TSNARE1: variants seen among roughly 807,000 people sequenced by gnomAD.
TSNARE1 encodes t-SNARE domain-containing protein 1.
TSNARE1 carries 49 observed loss-of-function variants against 62.0 expected under a neutral mutation model. That is an observed-to-expected ratio of 0.79 (90% CI 0.63 to 1.00). TSNARE1 has a LOEUF of 1.00. Among genes scored for constraint, TSNARE1 ranks in the 50% least tolerant of loss-of-function variants. The pLI is 0.00. For synonymous variants in TSNARE1, 328 were observed against 294.4 expected, an observed-to-expected ratio of 1.11 and a Z score of -1.17; for missense variants, 755 against 700.1, an observed-to-expected ratio of 1.08 and a Z score of -0.88.
At chr8:142,304,247 C>T (rs938128167) in intron 9 of TSNARE1, among the ~76,000 whole-genome samples, 2 of 152,200 alleles carry the variant, frequency 1.3e-5, no homozygotes, top group East Asian at 1.9e-4. Flanking sequence ...CCCAGGGAGG[C>T]GCTGGCCTCG....
At position 142,344,117 on chromosome 8, in the gene TSNARE1, C is replaced by T; in HGVS notation, c.594G>A (p.Lys198=). ...WRDLRAVVRR[K]LGDLRKAAHG... is the part of the protein sequence containing the mutation. The stretch of plus-strand genomic sequence containing the variant: ...GGGCCGCCTTCCGGAGGTCGCCCAG[C>T]TTGCGCCGCACGACGGCTCGTAGGT... The change falls in exon 4 of 14, where the codon AAG becomes AAA. Residue 198 remains lysine, a synonymous_variant. Coordinates refer to ENST00000524325, the MANE Select transcript of TSNARE1 (RefSeq NM_145003.5). 6.2e-7 allele frequency: 1 copy of T among 1,611,996 alleles called. No individual in the cohort carries two copies. The highest frequency in any genetic ancestry group is 8.5e-7 in the Non-Finnish European group (1 of 1,179,234).
At chr8:142,251,507 T>G (rs1227548112) in intron 12 of TSNARE1, among the ~76,000 whole-genome samples, 1 of 152,138 alleles carries the variant, frequency 6.6e-6, no homozygotes, top group Non-Finnish European at 1.5e-5. Context: ...GTCCTCCCAG[T>G]TAGGGTGCGG....
intron 1 of TSNARE1, among the ~76,000 whole-genome samples, chr8:142,364,173 C>G (rs564471919): frequency 6.6e-6 from 1 of 152,332 alleles, no homozygotes; most frequent in East Asian, 1.9e-4. Flanking sequence ...CGGCGCTCTC[C>G]CTGCACTGGC....
intron 13 of TSNARE1, among the ~76,000 whole-genome samples, chr8:142,220,903 G>A (rs1023959034): frequency 1.3e-5 from 2 of 152,230 alleles, no homozygotes; most frequent in Non-Finnish European, 2.9e-5. Flanking sequence ...TCTGTGAAAT[G>A]AAGGACTGAG....
chr8:142,393,490 G>A (rs928661440), intron 1 of TSNARE1, among the ~76,000 whole-genome samples: 5 of 152,216 alleles, frequency 3.3e-5, no homozygotes, highest in Non-Finnish European at 7.3e-5. Context: ...GGGAAAACTG[G>A]GTGAAGAGTG....
chr8:142,318,746 GAC>G, intron 6 of TSNARE1, 112 bp from the exon 7 acceptor site: 1 of 923,908 alleles, frequency 1.1e-6, no homozygotes, highest in African/African-American at 1.6e-5. Context: ...GGGAGACAGA[GAC>G]AGATGGATGG....
At chr8:142,385,348 G>GA (rs1028686753) in intron 1 of TSNARE1, among the ~76,000 whole-genome samples, 2 of 152,062 alleles carry the variant, frequency 1.3e-5, no homozygotes, top group African/African-American at 2.4e-5. Flanking sequence ...CCACCATTCT[G>GA]AAAAAAACAC....
chr8:142,333,500 G>A (rs1230536732), intron 4 of TSNARE1, among the ~76,000 whole-genome samples: 1 of 152,210 alleles, frequency 6.6e-6, no homozygotes, highest in Non-Finnish European at 1.5e-5. Context: ...GGGTGCCGAG[G>A]GGACCCTCCC....
intron 12 of TSNARE1, among the ~76,000 whole-genome samples, chr8:142,271,911 G>A (rs1044811714): frequency 6.6e-6 from 1 of 151,972 alleles, no homozygotes; most frequent in Non-Finnish European, 1.5e-5. Flanking sequence ...TGGGACTGAA[G>A]CCACAGCCTG....
intron 12 of TSNARE1, among the ~76,000 whole-genome samples, chr8:142,258,510 C>A (rs1395712618): frequency 7.4e-6 from 1 of 134,576 alleles, no homozygotes; most frequent in Non-Finnish European, 1.5e-5. Context: ...GAGACAGTGT[C>A]TCACTCTGTT....
rs1217197158 is a variant in TSNARE1, at chr8:142,373,421, TG to T, written c.-39-18659del. Among the ~76,000 whole-genome samples, 5 of 152,178 alleles carry T rather than the reference TG, an allele frequency of 3.3e-5. No individual in the cohort carries two copies. In the East Asian group the frequency reaches 9.7e-4, roughly 30 times the overall value. ...CCCACAGGGAAGGCCAGCAGCGGGATGGCAGGGCCAATCCAGACTCCCGCCA... is the reference window on the plus strand; with the variant it reads ...CCCACAGGGAAGGCCAGCAGCGGGATGCAGGGCCAATCCAGACTCCCGCCA... On this transcript the variant is annotated intron_variant, in intron 1 of 13. Coordinates refer to ENST00000524325, the MANE Select transcript of TSNARE1 (RefSeq NM_145003.5).
At chr8:142,332,055 G>A (rs998787319) in intron 4 of TSNARE1, among the ~76,000 whole-genome samples, 1 of 152,228 alleles carries the variant, frequency 6.6e-6, no homozygotes, top group Non-Finnish European at 1.5e-5. Flanking sequence ...GAGAGACGAA[G>A]GCAGGGGGTG....
intron 4 of TSNARE1, among the ~76,000 whole-genome samples, chr8:142,340,485 T>G (rs1176259428): frequency 1.3e-5 from 2 of 151,704 alleles, no homozygotes; most frequent in Non-Finnish European, 2.9e-5. Flanking sequence ...TTTTGGGAGG[T>G]GGAAACGCTC....
At chr8:142,308,210 T>A (rs1827001671) in intron 9 of TSNARE1, among the ~76,000 whole-genome samples, 2 of 152,230 alleles carry the variant, frequency 1.3e-5, no homozygotes, top group African/African-American at 4.8e-5. Context: ...TGGGGTATAA[T>A]TTTAACAAAG....
At chr8:142,253,842 T>C (rs957776989) in intron 12 of TSNARE1, among the ~76,000 whole-genome samples, 4 of 152,168 alleles carry the variant, frequency 2.6e-5, no homozygotes, top group African/African-American at 9.7e-5. Context: ...GCCACCCTCA[T>C]GGACTCCCGA....
intron 12 of TSNARE1, among the ~76,000 whole-genome samples, chr8:142,253,462 G>A (rs1160239094): frequency 5.9e-5 from 9 of 151,808 alleles, no homozygotes; most frequent in African/African-American, 2.2e-4. Context: ...GGGACCCATT[G>A]CAGGTAGGGC....
chr8:142,402,958 C>G (rs1838413545), intron 1 of TSNARE1, 146 bp downstream of exon 1: 1 of 150,938 alleles, frequency 6.6e-6, no homozygotes, highest in African/African-American at 2.4e-5. Context: ...CGGCCCCGCC[C>G]CCCGCCCGGC....
At chr8:142,280,964 C>T (rs746412022) in intron 11 of TSNARE1, among the ~76,000 whole-genome samples, 32 of 152,172 alleles carry the variant, frequency 2.1e-4, no homozygotes, top group Non-Finnish European at 3.7e-4. Context: ...GGCCCAGCCC[C>T]GCCCCAGGGA....
At chr8:142,399,084 G>A (rs1278415310) in intron 1 of TSNARE1, among the ~76,000 whole-genome samples, 1 of 152,184 alleles carries the variant, frequency 6.6e-6, no homozygotes. Context: ...GCCCAACTGG[G>A]CTCCGTAGGT....
Sources: allele counts gnomAD v4.1 joint callset (sites outside exome capture counted in the v4.1 genomes callset), GRCh38; gene constraint gnomAD v4.1.1; transcripts MANE v1.5; gene names NCBI Gene and HGNC (gene_info 2026-07-23, HGNC 2026-07-21).